The following AKAP12 variants were observed in gnomAD, a reference collection of about 807,000 sequenced individuals.
AKAP12 encodes A-kinase anchoring protein 12, also known as A-kinase anchor protein 12.
A neutral mutation model predicts 79.9 loss-of-function variants in AKAP12; 32 were observed. That is an observed-to-expected ratio of 0.40 (90% confidence interval 0.30 to 0.54). The LOEUF (loss-of-function observed/expected upper bound fraction) is 0.54, where lower values mean the gene tolerates loss of function less well. Among genes scored for constraint, AKAP12 ranks in the 20% least tolerant of loss-of-function variants. The pLI, the probability that AKAP12 is intolerant of heterozygous loss-of-function variation, is 0.48. For synonymous variants in AKAP12, 808 were observed against 857.0 expected (o/e 0.94, Z 1.00); for missense variants, 2,074 against 2,177.0 (o/e 0.95, Z 0.94).
In AKAP12 at chr6:151,350,217, C is replaced by T; in HGVS notation, c.1826C>T (p.Pro609Leu). The T allele has an allele frequency of 6.2e-7, 1 of 1,613,862 alleles. No individual in the cohort carries two copies. The highest frequency in any genetic ancestry group is 8.5e-7 in the Non-Finnish European group (1 of 1,179,950). Residue 609 changes from proline to leucine, a missense_variant, in exon 4 of 5, where the codon CCC becomes CTC. By Grantham distance (98) the Pro-to-Leu change is moderately conservative. Around this residue, in one of 3 missense-constraint regions of AKAP12, gnomAD observed 1,428 missense variants for 1,451.0 expected, o/e 0.98. Coordinates refer to ENST00000402676, the MANE Select transcript of AKAP12 (RefSeq NM_005100.4). This position sits in a 1 kb window ranked among gnomAD's most constrained non-coding sequence, Gnocchi z 4.8. ...GAGAAAAAAAGAGAAGGTGTCACTCCCTGGGCATCATTCAAAAAGATGGTG... is the reference window on the plus strand; with the variant it reads ...GAGAAAAAAAGAGAAGGTGTCACTCTCTGGGCATCATTCAAAAAGATGGTG... ...DGEKKREGVT[P>L]WASFKKMVTP...
chr6:151,352,277 C>T lies in AKAP12; in HGVS notation c.3886C>T (p.Arg1296Trp), dbSNP rs148836519. The change falls in exon 4 of 5, where the codon CGG (arginine) becomes TGG (tryptophan). Residue 1296 changes from arginine to tryptophan, a missense_variant. Arg to Trp is a moderately radical substitution (Grantham distance 101). This residue lies in a region of AKAP12 where 614 missense variants were observed against 665.6 expected (regional missense o/e 0.92). Coordinates refer to ENST00000402676, the MANE Select transcript of AKAP12 (RefSeq NM_005100.4). The stretch of plus-strand genomic sequence containing the variant: ...TATAGACACAGGCATAACAGTCAGT[C>T]GGGAAAAGGTCACTGAAGTTGCCCT... ...GSIDTGITVS[R>W]EKVTEVALKG... 2.2e-5 allele frequency: 35 copies of T among 1,613,946 alleles called. No homozygotes were observed. The highest frequency in any genetic ancestry group is 6.7e-5 in the East Asian group (3 of 44,900).
chr6:151,303,408 A>G (rs1776902069), intron 2 of AKAP12, among the ~76,000 whole-genome samples: 1 of 152,236 alleles, frequency 6.6e-6, no homozygotes, highest in South Asian at 2.1e-4. Context: ...TTTGAAGCCA[A>G]CAATCCCATC....
In AKAP12 at chr6:151,323,727, C is replaced by T. The variant is rs143177000; in HGVS notation, c.319+17824C>T. 1.3e-3 allele frequency: 1,233 copies of T among 985,326 alleles called. 14 individuals carry two copies. In the African/African-American group the frequency reaches 0.02, roughly 16 times the overall value. 61.0% of individuals were successfully genotyped at this position (985,326 alleles called of 1,614,324 possible). ...TTTTTCTTTTTCTTCCTATCCAGCT[C>T]AGTGGAATAGCTGTTGCTTGTCCCA... On this transcript the variant is annotated intron_variant, in intron 3 of 4. Coordinates refer to ENST00000402676, the MANE Select transcript of AKAP12 (RefSeq NM_005100.4).
intron 2 of AKAP12, among the ~76,000 whole-genome samples, chr6:151,271,235 C>G (rs929631065): frequency 6.6e-6 from 1 of 152,044 alleles, no homozygotes; most frequent in Non-Finnish European, 1.5e-5. Context: ...ATATCAGACA[C>G]TTCACTCCCA....
chr6:151,309,897 T>G (rs1777052974), intron 3 of AKAP12, among the ~76,000 whole-genome samples: 1 of 152,044 alleles, frequency 6.6e-6, no homozygotes, highest in Admixed American at 6.6e-5. Context: ...GCTGTCATGC[T>G]GTGCTGTTCC....
intron 3 of AKAP12, among the ~76,000 whole-genome samples, chr6:151,316,437 G>A (rs1234056996): frequency 2.0e-5 from 3 of 152,250 alleles, no homozygotes; most frequent in African/African-American, 7.2e-5. Flanking sequence ...ATACTCGACT[G>A]GTGGTTCAAA....
rs542054738 is a variant in AKAP12, at chr6:151,261,319, C to T, written c.162+20595C>T. Among the ~76,000 whole-genome samples, 37 of 151,812 alleles carry T rather than the reference C, an allele frequency of 2.4e-4. No individual in the cohort carries two copies. The South Asian group carries it at 6.5e-3, about 26-fold the overall frequency. ...CCGGGAGGCAGAGGTTGCAGTGATCCGAGATTGTGCCACTGCACTACAGCC... is the reference window on the plus strand; with the variant it reads ...CCGGGAGGCAGAGGTTGCAGTGATCTGAGATTGTGCCACTGCACTACAGCC... On this transcript the variant is annotated intron_variant, in intron 2 of 4. Transcript: ENST00000402676.
chr6:151,261,662 T>C (rs953124202), intron 2 of AKAP12, among the ~76,000 whole-genome samples: 30 of 148,354 alleles, frequency 2.0e-4, no homozygotes, highest in African/African-American at 6.6e-4. Context: ...GATCATGCCA[T>C]TGCACTCCAG....
Position 151,278,550 on chromosome 6 carries a change from A to G in AKAP12, c.163-27197A>G, listed in dbSNP as rs547958705. Among the ~76,000 whole-genome samples, 66 of 152,092 alleles carry G rather than the reference A, an allele frequency of 4.3e-4. 2 individuals are homozygous for G. Among genetic ancestry groups the G allele is most frequent in the Admixed American group, 3.3e-3 (51 of 15,296 alleles). On this transcript the variant is annotated intron_variant, in intron 2 of 4. Transcript: ENST00000402676. ...GTTTTTATCAAAGAAGAATCATAGC[A>G]TCGTAAATCCAGTTGGAGGTCAGTT...
chr6:151,349,618 A>G lies in AKAP12; in HGVS notation c.1227A>G (p.Glu409=). 6.2e-7 allele frequency: 1 copy of G among 1,611,152 alleles called. No homozygotes were observed. The highest frequency in any genetic ancestry group is 8.5e-7 in the Non-Finnish European group (1 of 1,179,154). ...CAGAAGTGTTTGATGAGAAAATAGA[A>G]GTCCACCAAGAAGAGGTTGTGGCCG... ...LATEVFDEKI[E]VHQEEVVAEV... is the part of the protein sequence containing the mutation. The change falls in exon 4 of 5, where the codon GAA becomes GAG. Residue 409 remains glutamate, a synonymous_variant. Transcript: ENST00000402676.
intron 3 of AKAP12, among the ~76,000 whole-genome samples, chr6:151,318,367 T>C (rs534153429): frequency 1.3e-5 from 2 of 152,222 alleles, no homozygotes; most frequent in African/African-American, 2.4e-5. Context: ...AAAAGTATGA[T>C]GTCTTCTCAT....
rs748798712 is a variant in AKAP12, at chr6:151,352,660, G to A, written c.4269G>A (p.Ala1423=). The A allele has an allele frequency of 4.1e-5, 66 of 1,614,022 alleles. No homozygotes were observed. Among genetic ancestry groups the A allele is most frequent in the Non-Finnish European group, 5.5e-5 (65 of 1,180,038 alleles). Residue 1423 remains alanine, a synonymous_variant, in exon 4 of 5, where the codon GCG becomes GCA. Coordinates refer to ENST00000402676, the MANE Select transcript of AKAP12 (RefSeq NM_005100.4). ...QSSEASFTLT[A]AAEEEKVLGE... is the part of the protein sequence containing the mutation. ...CTGAGGCATCATTCACTCTAACAGC[G>A]GCTGCAGAGGAGGAAAAGGTCTTAG...
intron 3 of AKAP12, chr6:151,324,332 C>G (rs1777470536): frequency 4.1e-6 from 4 of 985,238 alleles, no homozygotes; most frequent in Non-Finnish European, 4.8e-6. Context: ...GAGGCTGAAG[C>G]TGATTTTTGT....
intron 2 of AKAP12, among the ~76,000 whole-genome samples, chr6:151,291,444 A>C (rs1329603649): frequency 6.6e-6 from 1 of 152,158 alleles, no homozygotes; most frequent in East Asian, 1.9e-4. Context: ...CAGGATCATT[A>C]CCAGCTAAGA....
At chr6:151,323,643 A>G (rs1384310841) in intron 3 of AKAP12, 3 of 922,422 alleles carry the variant, frequency 3.3e-6, no homozygotes, top group Non-Finnish European at 3.9e-6. Context: ...ACAGCAGTAC[A>G]GTGACCTTTG....
intron 2 of AKAP12, among the ~76,000 whole-genome samples, chr6:151,285,920 C>T (rs1346572809): frequency 4.0e-5 from 6 of 151,568 alleles, no homozygotes; most frequent in Non-Finnish European, 8.8e-5. Context: ...GCTTATCACC[C>T]AGGCTGGAGT....
rs1028664788 is a variant in AKAP12 at position 151,350,874 on chromosome 6, T to C, written c.2483T>C (p.Val828Ala). Residue 828 changes from valine (V) to alanine (A), a missense_variant, in exon 4 of 5, where the codon GTT becomes GCT. Val to Ala is a moderately conservative substitution (Grantham distance 64). Coordinates refer to ENST00000402676, the MANE Select transcript of AKAP12 (RefSeq NM_005100.4). This position sits in a 1 kb window ranked among gnomAD's most constrained non-coding sequence, Gnocchi z 4.8. ...RPDGKQEQAP[V>A]EDAGPTGANE... ...GATGGGAAACAAGAACAAGCCCCTGTTGAAGACGCAGGGCCAACAGGGGCC... is the reference window on the plus strand; with the variant it reads ...GATGGGAAACAAGAACAAGCCCCTGCTGAAGACGCAGGGCCAACAGGGGCC... The C allele has an allele frequency of 1.2e-6, 2 of 1,614,016 alleles. No individual in the cohort carries two copies. The highest frequency in any genetic ancestry group is 2.7e-5 in the African/African-American group (2 of 74,916).
intron 3 of AKAP12, among the ~76,000 whole-genome samples, chr6:151,343,349 C>T (rs1223171849): frequency 6.6e-6 from 1 of 152,094 alleles, no homozygotes; most frequent in African/African-American, 2.4e-5. Flanking sequence ...TGTTTGTATT[C>T]TGTACTAGTG....
rs1776595691 is a variant in AKAP12 at position 151,290,566 on chromosome 6, C to T, written c.163-15181C>T. On this transcript the variant is annotated intron_variant, in intron 2 of 4. Coordinates refer to ENST00000402676, the MANE Select transcript of AKAP12 (RefSeq NM_005100.4). ...CTTACCTCTCACAGGCCAGCTTCCT[C>T]TCCCATCCCCCTCACTGATGGTTCC... Among the ~76,000 whole-genome samples, 3 of 152,098 alleles carry T rather than the reference C, an allele frequency of 2.0e-5. No homozygotes were observed. The South Asian group carries it at 6.2e-4, about 32-fold the overall frequency.
Sources: gnomAD v4.1 joint callset for allele counts (sites outside exome capture counted in the v4.1 genomes callset) on GRCh38, gnomAD v4.1.1 for gene constraint, gnomAD v4.1.1 regional missense constraint, Gnocchi (gnomAD v3.1) non-coding constraint, MANE v1.5 for transcripts, NCBI Gene and HGNC (gene_info 2026-07-23, HGNC 2026-07-21) for gene names.